The following B3GALT1 variants were observed in gnomAD, a reference collection of about 807,000 sequenced individuals.
B3GALT1 encodes UDP-Gal:betaGlcNAc beta 1,3-galactosyltransferase, polypeptide 1.
A neutral mutation model predicts 23.2 loss-of-function variants in B3GALT1; 10 were observed. The ratio of observed to expected loss-of-function variants is 0.43; its 90% CI spans 0.27 to 0.73. The LOEUF is 0.73. Ranked by LOEUF, B3GALT1 falls within the 30% of genes least tolerant of loss-of-function variation. The probability of loss-of-function intolerance (pLI) is 0.21; values close to 1 mark genes in which losing one functional copy is unlikely to be tolerated. For synonymous variants in B3GALT1, 156 were observed against 141.5 expected, an observed-to-expected ratio of 1.10 and a Z score of -0.73; for missense variants, 299 against 405.4, an observed-to-expected ratio of 0.74 and a Z score of 2.25.
At chr2:167,820,974 T>C (rs761748697) in intron 4 of B3GALT1, among the ~76,000 whole-genome samples, 34 of 152,212 alleles carry the variant, frequency 2.2e-4, no homozygotes, top group Non-Finnish European at 3.5e-4. Flanking sequence ...TCTCATATTT[T>C]ATCTCTGCCT....
chr2:167,664,526 G>T (rs922156421), intron 3 of B3GALT1, among the ~76,000 whole-genome samples: 7 of 152,024 alleles, frequency 4.6e-5, no homozygotes, highest in African/African-American at 1.7e-4. Flanking sequence ...GATGGGGATG[G>T]CATTGAATCT....
At chr2:167,566,857 T>A (rs1684181730) in intron 2 of B3GALT1, among the ~76,000 whole-genome samples, 1 of 152,170 alleles carries the variant, frequency 6.6e-6, no homozygotes, top group African/African-American at 2.4e-5. Context: ...TTAAATACAA[T>A]AAAATTGGTC....
intron 1 of B3GALT1, among the ~76,000 whole-genome samples, chr2:167,441,570 T>C (rs1375748867): frequency 6.6e-6 from 1 of 152,232 alleles, no homozygotes; most frequent in Non-Finnish European, 1.5e-5. Context: ...CCAGAAACTC[T>C]TTAAGATTTG....
At chr2:167,565,945 A>G (rs1433417511) in intron 2 of B3GALT1, among the ~76,000 whole-genome samples, 1 of 152,108 alleles carries the variant, frequency 6.6e-6, no homozygotes, top group African/African-American at 2.4e-5. Context: ...CAGTGTGGCG[A>G]TTCCTCAGGG....
chr2:167,698,550 A>G (rs1455348174), intron 3 of B3GALT1, among the ~76,000 whole-genome samples: 6 of 152,168 alleles, frequency 3.9e-5, no homozygotes, highest in Admixed American at 2.0e-4. Context: ...GAGGTCACCC[A>G]ACTACCAGTC....
chr2:167,669,918 G>A (rs1243004228), intron 3 of B3GALT1, among the ~76,000 whole-genome samples: 1 of 152,114 alleles, frequency 6.6e-6, no homozygotes, highest in African/African-American at 2.4e-5. Flanking sequence ...GCAGCTAGGA[G>A]CAGTGAAAAG....
chr2:167,559,296 A>G (rs1683920500), intron 2 of B3GALT1, among the ~76,000 whole-genome samples: 1 of 152,174 alleles, frequency 6.6e-6, no homozygotes, highest in East Asian at 1.9e-4. Flanking sequence ...CACACCAAAA[A>G]CCCATCTGTA....
chr2:167,305,005 T>C lies in B3GALT1; in HGVS notation c.-511+11671T>C, dbSNP rs117865681. ...TTGTTCTATTCTCACCCTCAAAGGA[T>C]TGCATAATGCCCATCTAGGTTAGTG... is the stretch of plus-strand genomic sequence containing the variant. On this transcript the variant is annotated intron_variant, in intron 1 of 4. Coordinates refer to ENST00000392690, the MANE Select transcript of B3GALT1 (RefSeq NM_020981.4). 9.2e-5 allele frequency among the ~76,000 whole-genome samples: 14 copies of C among 152,286 alleles called. 1 individual carries two copies. In the East Asian group the frequency reaches 2.5e-3, roughly 27 times the overall value.
intron 2 of B3GALT1, among the ~76,000 whole-genome samples, chr2:167,588,959 T>C (rs985799557): frequency 2.0e-5 from 3 of 151,018 alleles, no homozygotes; most frequent in Non-Finnish European, 4.4e-5. Context: ...CCTTGTTTTT[T>C]AGAGGTGGGT....
chr2:167,437,345 A>G (rs139554446), intron 1 of B3GALT1, among the ~76,000 whole-genome samples: 2 of 152,308 alleles, frequency 1.3e-5, no homozygotes, highest in African/African-American at 4.8e-5. Context: ...ACTAATTTCA[A>G]TTCTTCCTGT....
In B3GALT1 at chr2:167,806,100, A is replaced by G. The variant is rs553094531; in HGVS notation, c.-351-12572A>G. On this transcript the variant is annotated intron_variant, in intron 3 of 4. Transcript: ENST00000392690. ...ATTCTCTTTGAAGCAATTGTGAATG[A>G]AAGTTCACTCATTATTTGGCTCTCT... Among the ~76,000 whole-genome samples the G allele has an allele frequency of 6.0e-4, 92 of 152,208 alleles. 1 individual carries two copies. Among genetic ancestry groups the G allele is most frequent in the Middle Eastern group, 6.8e-3 (2 of 294 alleles).
chr2:167,588,430 TACA>T (rs1684616399), intron 2 of B3GALT1, among the ~76,000 whole-genome samples: 1 of 152,208 alleles, frequency 6.6e-6, no homozygotes, highest in South Asian at 2.1e-4. Context: ...CTGAAGCTAA[TACA>T]ACTTTAGACA....
chr2:167,325,099 T>C (rs1696872054), intron 1 of B3GALT1, among the ~76,000 whole-genome samples: 1 of 152,172 alleles, frequency 6.6e-6, no homozygotes, highest in African/African-American at 2.4e-5. Context: ...AAAAGTCCCA[T>C]TTATCCATTG....
intron 2 of B3GALT1, among the ~76,000 whole-genome samples, chr2:167,593,756 G>A (rs183022753): frequency 1.3e-5 from 2 of 152,342 alleles, no homozygotes; most frequent in East Asian, 3.9e-4. Context: ...GTGATGGGCG[G>A]TGCAGTTCCA....
At chr2:167,328,196 C>T (rs900339558) in intron 1 of B3GALT1, among the ~76,000 whole-genome samples, 4 of 152,058 alleles carry the variant, frequency 2.6e-5, no homozygotes, top group South Asian at 2.1e-4. Context: ...CCTGTTGTGC[C>T]ATTGTCTGGA....
chr2:167,653,924 G>A (rs969768277), intron 3 of B3GALT1, among the ~76,000 whole-genome samples: 7 of 152,292 alleles, frequency 4.6e-5, no homozygotes, highest in South Asian at 2.1e-4. Context: ...TTTCTGAGCT[G>A]TTGAAGTTAC....
At chr2:167,495,469 G>T (rs1424861732) in intron 2 of B3GALT1, among the ~76,000 whole-genome samples, 1 of 151,908 alleles carries the variant, frequency 6.6e-6, no homozygotes, top group Non-Finnish European at 1.5e-5. Context: ...GAGTAGCTGG[G>T]ATTACAGGCA....
chr2:167,639,828 G>C (rs1685621251), intron 2 of B3GALT1, among the ~76,000 whole-genome samples: 1 of 152,062 alleles, frequency 6.6e-6, no homozygotes, highest in African/African-American at 2.4e-5. Context: ...AATCATTGAA[G>C]TATTAACTGG....
chr2:167,657,766 A>G (rs536731223), intron 3 of B3GALT1, among the ~76,000 whole-genome samples: 1 of 152,124 alleles, frequency 6.6e-6, no homozygotes, highest in African/African-American at 2.4e-5. Context: ...ACATTTACCA[A>G]TAAACATCAA....
Sources: allele counts gnomAD v4.1 joint callset (sites outside exome capture counted in the v4.1 genomes callset), GRCh38; gene constraint gnomAD v4.1.1; transcripts MANE v1.5; gene names NCBI Gene and HGNC (gene_info 2026-07-23, HGNC 2026-07-21).